Variants in FRAS1 observed in about 807,000 individuals in gnomAD.
The protein encoded by FRAS1 is extracellular matrix organizing protein FRAS1.
A neutral mutation model predicts 435.2 loss-of-function variants in FRAS1; 290 were observed. The observed-to-expected ratio is 0.67, with a 90% CI of 0.61 to 0.73. FRAS1 has a LOEUF of 0.73. Among genes scored for constraint, FRAS1 ranks in the 30% least tolerant of loss-of-function variants. The probability of loss-of-function intolerance (pLI) is 0.00; values close to 1 mark genes in which losing one functional copy is unlikely to be tolerated. For missense variants in FRAS1, 4,860 were observed against 5,001.5 expected (o/e 0.97, Z 0.85); for synonymous variants, 1,800 against 1,851.0 (o/e 0.97, Z 0.71).
At chr4:78,460,163 G>A (rs1719326669) in intron 47 of FRAS1, among the ~76,000 whole-genome samples, 1 of 152,170 alleles carries the variant, frequency 6.6e-6, no homozygotes, top group South Asian at 2.1e-4. Flanking sequence ...GGCTGCAAGT[G>A]GGAGGACTGA....
At chr4:78,167,028 C>A (rs1223375571) in intron 2 of FRAS1, among the ~76,000 whole-genome samples, 2 of 152,160 alleles carry the variant, frequency 1.3e-5, no homozygotes, top group Non-Finnish European at 2.9e-5. Context: ...CTGAGCAAGA[C>A]ATAAATGCTA....
chr4:78,325,308 A>G (rs866648237), intron 18 of FRAS1, among the ~76,000 whole-genome samples: 1 of 152,262 alleles, frequency 6.6e-6, no homozygotes. Context: ...AACTTGGTTT[A>G]GGTGAATGGG....
intron 41 of FRAS1, among the ~76,000 whole-genome samples, chr4:78,443,845 T>C (rs1718674239): frequency 1.3e-5 from 2 of 152,252 alleles, no homozygotes; most frequent in African/African-American, 4.8e-5. Context: ...TCATTTACTT[T>C]ACTTAGGCTT....
chr4:78,456,290 A>C (rs1372028847), intron 47 of FRAS1, among the ~76,000 whole-genome samples: 1 of 151,754 alleles, frequency 6.6e-6, no homozygotes, highest in Non-Finnish European at 1.5e-5. Context: ...TTACAGGCAC[A>C]CACCCCCACA....
intron 2 of FRAS1, among the ~76,000 whole-genome samples, chr4:78,066,249 A>G (rs4859517): frequency 1.3e-5 from 2 of 152,136 alleles, no homozygotes; most frequent in Non-Finnish European, 2.9e-5. Context: ...AACACTCAAC[A>G]CACGATTTAC....
At chr4:78,497,143 A>G (rs1413094940) in intron 60 of FRAS1, among the ~76,000 whole-genome samples, 182 bp downstream of exon 60, 1 of 152,192 alleles carries the variant, frequency 6.6e-6, no homozygotes, top group Admixed American at 6.5e-5. Context: ...CAAAAAATTC[A>G]TAGGTATTTT....
At chr4:78,142,847 G>A (rs1360432302) in intron 2 of FRAS1, among the ~76,000 whole-genome samples, 1 of 152,060 alleles carries the variant, frequency 6.6e-6, no homozygotes, top group African/African-American at 2.4e-5. Flanking sequence ...AATGGCTGGA[G>A]TAATAACTAA....
At chr4:78,100,762 G>C (rs1046250879) in intron 2 of FRAS1, among the ~76,000 whole-genome samples, 1 of 152,122 alleles carries the variant, frequency 6.6e-6, no homozygotes, top group African/African-American at 2.4e-5. Context: ...GTGCGTGTGT[G>C]TATTATATAT....
chr4:78,515,297 G>A (rs1213332969), intron 65 of FRAS1, among the ~76,000 whole-genome samples: 1 of 148,030 alleles, frequency 6.8e-6, no homozygotes, highest in Non-Finnish European at 1.5e-5. Flanking sequence ...GTATGAGCAA[G>A]AAGTAGTCAA....
chr4:78,468,920 A>T (rs754535524), intron 50 of FRAS1, among the ~76,000 whole-genome samples: 12 of 152,184 alleles, frequency 7.9e-5, no homozygotes, highest in Admixed American at 5.9e-4. Flanking sequence ...GGAAAAAAAG[A>T]TCCTCTGTGT....
At chr4:78,062,825 A>G (rs1205481062) in intron 1 of FRAS1, among the ~76,000 whole-genome samples, 2 of 152,198 alleles carry the variant, frequency 1.3e-5, no homozygotes, top group Non-Finnish European at 2.9e-5. Flanking sequence ...TCTTGACACT[A>G]TAAAATTACT....
At chr4:78,261,068 A>G (rs1726074811) in intron 6 of FRAS1, among the ~76,000 whole-genome samples, 1 of 151,494 alleles carries the variant, frequency 6.6e-6, no homozygotes, top group South Asian at 2.1e-4. Flanking sequence ...TCTCTTTATA[A>G]ATCATGTTCT....
intron 2 of FRAS1, among the ~76,000 whole-genome samples, chr4:78,198,463 T>C (rs1478714388): frequency 2.0e-5 from 3 of 152,202 alleles, no homozygotes; most frequent in African/African-American, 7.2e-5. Flanking sequence ...TGACCTTGTC[T>C]CAGGCCCTGC....
In FRAS1 at chr4:78,308,131, C is replaced by G. The variant is rs1728865581; in HGVS notation, c.1600C>G (p.Pro534Ala). The change falls in exon 15 of 74, where the codon CCC (proline) becomes GCC (alanine). Residue 534 changes from proline to alanine, a missense_variant. Physicochemically the swap from Pro to Ala is conservative, Grantham distance 27 (BLOSUM62 -1). Coordinates refer to ENST00000512123, the MANE Select transcript of FRAS1 (RefSeq NM_025074.7). ...TEKHCLACRD[P>A]LHVLRDGGCE... ...GAAGCACTGCTTGGCCTGCAGAGATCCCCTCCACGTGCTGAGAGATGGCGG... is the reference window on the plus strand; with the variant it reads ...GAAGCACTGCTTGGCCTGCAGAGATGCCCTCCACGTGCTGAGAGATGGCGG... The G allele has an allele frequency of 6.2e-7, 1 of 1,613,784 alleles. No homozygotes were observed. Among genetic ancestry groups the G allele is most frequent in the Admixed American group, 1.7e-5 (1 of 59,996 alleles).
At chr4:78,104,097 C>A (rs1309538145) in intron 2 of FRAS1, among the ~76,000 whole-genome samples, 1 of 152,196 alleles carries the variant, frequency 6.6e-6, no homozygotes, top group Non-Finnish European at 1.5e-5. Flanking sequence ...GAAACTGTGA[C>A]TGTTTTATTT....
At chr4:78,249,611 C>T (rs1231559940) in intron 4 of FRAS1, among the ~76,000 whole-genome samples, 3 of 152,140 alleles carry the variant, frequency 2.0e-5, no homozygotes, top group African/African-American at 7.2e-5. Flanking sequence ...GCATGAGCCA[C>T]CGTTGTCCAG....
At chr4:78,214,539 C>A (rs1055605391) in intron 2 of FRAS1, among the ~76,000 whole-genome samples, 11 of 152,328 alleles carry the variant, frequency 7.2e-5, no homozygotes, top group African/African-American at 2.4e-4. Flanking sequence ...GCAAATCCTT[C>A]ATTGTATCTG....
intron 2 of FRAS1, among the ~76,000 whole-genome samples, chr4:78,205,894 G>A (rs1560580288): frequency 6.6e-6 from 1 of 152,196 alleles, no homozygotes; most frequent in East Asian, 1.9e-4. Flanking sequence ...TGCTTGAGAG[G>A]AAGCCTGAGG....
chr4:78,506,144 C>T (rs1166922124), intron 61 of FRAS1, among the ~76,000 whole-genome samples: 1 of 152,166 alleles, frequency 6.6e-6, no homozygotes, highest in Non-Finnish European at 1.5e-5. Context: ...AGGCATGCAC[C>T]TATATGTGGT....
Sources: allele counts gnomAD v4.1 joint callset (sites outside exome capture counted in the v4.1 genomes callset), GRCh38; gene constraint gnomAD v4.1.1; transcripts MANE v1.5; gene names NCBI Gene and HGNC (gene_info 2026-07-23, HGNC 2026-07-21).